IGF2R: variants seen among roughly 807,000 people sequenced by gnomAD.
IGF2R encodes the protein insulin like growth factor 2 receptor, also known as cation-independent mannose-6-phosphate receptor.
IGF2R carries 91 observed loss-of-function variants against 270.6 expected under a neutral mutation model. The observed-to-expected ratio is 0.34, with a 90% CI of 0.28 to 0.40. The LOEUF (loss-of-function observed/expected upper bound fraction) is 0.40, where lower values mean the gene tolerates loss of function less well. Ranked by LOEUF, IGF2R falls within the 10% of genes least tolerant of loss-of-function variation. The pLI, the probability that IGF2R is intolerant of heterozygous loss-of-function variation, is 1.00. For missense variants in IGF2R, 2,805 were observed against 3,188.3 expected (o/e 0.88, Z 2.90); for synonymous variants, 1,316 against 1,258.9 (o/e 1.05, Z -0.96).
chr6:160,093,449 C>T (rs956421439), intron 44 of IGF2R: 55 of 411,278 alleles, frequency 1.3e-4, no homozygotes, highest in Admixed American at 5.2e-4. Context: ...CCTTACTGCA[C>T]GATGAAGAGT....
chr6:159,996,567 CG>C (rs1439090057), intron 2 of IGF2R, among the ~76,000 whole-genome samples: 1 of 152,122 alleles, frequency 6.6e-6, no homozygotes, highest in Non-Finnish European at 1.5e-5. Context: ...AAGGTGTCTG[CG>C]GGGAGGTGTG....
chr6:160,037,687 G>A (rs1777858351), intron 10 of IGF2R, among the ~76,000 whole-genome samples: 1 of 152,128 alleles, frequency 6.6e-6, no homozygotes, highest in Non-Finnish European at 1.5e-5. Context: ...TTTTGGAAGA[G>A]CAGAATTCAT....
At position 160,072,746 on chromosome 6, in the gene IGF2R, A is replaced by G. The variant is rs1778770558; in HGVS notation, c.4571-19A>G. On this transcript the variant is annotated intron_variant, in intron 32 of 47. Transcript: ENST00000356956. Reference sequence around the variant, plus strand: ...AGCTCCCTGGAGTCACTGTGTCCCCATCTTCTTCCACCCTACAGGACACCT... The same window carrying G: ...AGCTCCCTGGAGTCACTGTGTCCCCGTCTTCTTCCACCCTACAGGACACCT... 3 of 1,614,008 alleles carry G rather than the reference A, an allele frequency of 1.9e-6. No homozygotes were observed. Among genetic ancestry groups the G allele is most frequent in the Admixed American group, 1.7e-5 (1 of 60,002 alleles).
intron 5 of IGF2R, 63 bp from the exon 6 acceptor site, chr6:160,027,122 A>G (rs2115226580): frequency 1.9e-6 from 3 of 1,559,044 alleles, no homozygotes; most frequent in Non-Finnish European, 2.7e-6. Flanking sequence ...CCCTGGGTCT[A>G]AGGGTACGTG....
intron 1 of IGF2R, among the ~76,000 whole-genome samples, chr6:159,972,246 A>G (rs1237821194): frequency 6.6e-6 from 1 of 152,232 alleles, no homozygotes; most frequent in African/African-American, 2.4e-5. Flanking sequence ...CACTGTGAGC[A>G]TGAAAAGTCG....
intron 2 of IGF2R, among the ~76,000 whole-genome samples, chr6:160,000,992 C>T (rs1350388287): frequency 6.6e-6 from 1 of 151,890 alleles, no homozygotes; most frequent in African/African-American, 2.4e-5. Flanking sequence ...CCGCCTTGGC[C>T]CCCCAAAGTG....
At chr6:160,060,908 G>A (rs545670730) in intron 23 of IGF2R, among the ~76,000 whole-genome samples, 191 bp downstream of exon 23, 26 of 152,302 alleles carry the variant, frequency 1.7e-4, no homozygotes, top group Admixed American at 4.6e-4. Flanking sequence ...TGTTTTTCTT[G>A]AAGAGAATCT....
At chr6:159,976,973 A>G (rs1783704969) in intron 1 of IGF2R, among the ~76,000 whole-genome samples, 1 of 152,038 alleles carries the variant, frequency 6.6e-6, no homozygotes, top group East Asian at 1.9e-4. Context: ...TGCTTTTATT[A>G]TTTGTATCTG....
At chr6:160,089,022 A>G (rs1779156771) in intron 42 of IGF2R, 85 bp from the exon 43 acceptor site, 1 of 1,360,260 alleles carries the variant, frequency 7.4e-7, no homozygotes. Flanking sequence ...AGCTGCTTCA[A>G]GGGCTCCGCA....
In IGF2R at chr6:160,044,434, T is replaced by TTTTCTTTCTG. The variant is rs1288853376; in HGVS notation, c.1622-77_1622-76insCTTTCTGTTT. 8 of 1,169,198 alleles carry TTTTCTTTCTG rather than the reference T, an allele frequency of 6.8e-6. No individual in the cohort carries two copies. The African/African-American group carries it at 1.4e-4, about 20-fold the overall frequency. 72.4% of individuals were successfully genotyped at this position (1,169,198 alleles called of 1,614,324 possible). On this transcript the variant is annotated intron_variant, in intron 12 of 47. Coordinates refer to ENST00000356956, the MANE Select transcript of IGF2R (RefSeq NM_000876.4). ...TCTTTCTTTCTTTCTCTTTCTTTCTTTTTTTTTTAAGTCACTTCTTTGTCT... is the reference window on the plus strand; with the variant it reads ...TCTTTCTTTCTTTCTCTTTCTTTCTTTTTCTTTCTGTTTTTTTTAAGTCACTTCTTTGTCT...
chr6:160,093,251 A>G (rs80254170), intron 44 of IGF2R: 8,236 of 164,104 alleles, frequency 0.05, 281 homozygotes, highest in Middle Eastern at 0.096. Context: ...GGGCTCTGAC[A>G]TGGGCAGGAT....
chr6:160,074,702 G>T (rs1008730620), intron 35 of IGF2R, among the ~76,000 whole-genome samples: 2 of 152,172 alleles, frequency 1.3e-5, no homozygotes, highest in African/African-American at 4.8e-5. Context: ...ATTTCTGTCT[G>T]TATCATCTAT....
Position 160,009,142 on chromosome 6 carries a change from C to T in IGF2R, c.414+8C>T, listed in dbSNP as rs753757443. On this transcript the variant is annotated splice_region_variant and intron_variant, in intron 3 of 47. Transcript: ENST00000356956. ...CTGTGTGGGAAAACCCTGGTGAGTC[C>T]ACACAGGCACTTGATGTATTTCTTT... 1 of 1,609,310 alleles carries T rather than the reference C, an allele frequency of 6.2e-7. No individual in the cohort carries two copies. Among genetic ancestry groups the T allele is most frequent in the Non-Finnish European group, 8.5e-7 (1 of 1,178,064 alleles).
chr6:160,086,146 G>A (rs929161033), intron 41 of IGF2R, among the ~76,000 whole-genome samples: 1 of 152,226 alleles, frequency 6.6e-6, no homozygotes, highest in African/African-American at 2.4e-5. Flanking sequence ...AACACAGGGG[G>A]TGACATGGAA....
Position 160,045,885 on chromosome 6 carries a change from C to A in IGF2R, c.1903+3C>A. The A allele has an allele frequency of 6.5e-7, 1 of 1,548,508 alleles. No individual in the cohort carries two copies. Among genetic ancestry groups the A allele is most frequent in the Non-Finnish European group, 8.7e-7 (1 of 1,150,740 alleles). ...CACGGTCTTTGACTCCCAGGCAGGT[C>A]TGTGTCCAAGCAGGACCTCTGCTTT... On this transcript the variant is annotated splice_donor_region_variant and intron_variant, in intron 14 of 47. Coordinates refer to ENST00000356956, the MANE Select transcript of IGF2R (RefSeq NM_000876.4).
rs1460360819 is a variant in IGF2R, at chr6:160,090,963, G to T, written c.6655+860G>T. On this transcript the variant is annotated intron_variant, in intron 44 of 47. Transcript: ENST00000356956. The stretch of plus-strand genomic sequence containing the variant: ...GCTGAGCGCATCGCCGAGAAGGAGC[G>T]GGTGCTCTGTGCCCTGGTGCTGAGC... Among the ~76,000 whole-genome samples the T allele has an allele frequency of 2.6e-5, 3 of 115,682 alleles. No individual in the cohort carries two copies. The East Asian group carries it at 8.5e-4, about 33-fold the overall frequency. The allele number at this position is 115,682 out of a possible 152,430, so 75.9% of individuals were successfully genotyped here. A position where few individuals can be genotyped will look rare whatever the true frequency, so the allele number is the denominator to read the frequency against.
chr6:159,977,160 A>T (rs910589190), intron 1 of IGF2R, among the ~76,000 whole-genome samples: 1 of 151,812 alleles, frequency 6.6e-6, no homozygotes, highest in Non-Finnish European at 1.5e-5. Flanking sequence ...GCTTCTGTCA[A>T]CCCTCTGAAG....
chr6:160,099,362 T>C (rs892710400), intron 45 of IGF2R, among the ~76,000 whole-genome samples: 3 of 152,042 alleles, frequency 2.0e-5, no homozygotes, highest in Admixed American at 2.0e-4. Flanking sequence ...TTATGTTATG[T>C]TATGTTATGT....
chr6:159,989,092 G>A (rs1052482226), intron 1 of IGF2R, among the ~76,000 whole-genome samples: 9 of 152,138 alleles, frequency 5.9e-5, no homozygotes, highest in African/African-American at 1.7e-4. Flanking sequence ...GGGCACCTGA[G>A]TACCCCAGCC....
Sources: gnomAD v4.1 joint callset for allele counts (sites outside exome capture counted in the v4.1 genomes callset) on GRCh38, gnomAD v4.1.1 for gene constraint, MANE v1.5 for transcripts, NCBI Gene and HGNC (gene_info 2026-07-23, HGNC 2026-07-21) for gene names.